Variants in RHOBTB1 observed in about 807,000 individuals in gnomAD.
The protein encoded by RHOBTB1 is Rho related BTB domain containing 1.
RHOBTB1 carries 40 observed loss-of-function variants against 71.6 expected under a neutral mutation model. The observed-to-expected ratio is 0.56, with a 90% CI of 0.43 to 0.73. RHOBTB1 has a LOEUF of 0.73. RHOBTB1 is among the 30% of genes least tolerant of loss of function. The probability of loss-of-function intolerance (pLI) is 0.00; values close to 1 mark genes in which losing one functional copy is unlikely to be tolerated. For missense variants in RHOBTB1, 797 were observed against 894.0 expected, an observed-to-expected ratio of 0.89 and a Z score of 1.38; for synonymous variants, 319 against 334.9, an observed-to-expected ratio of 0.95 and a Z score of 0.52.
intron 1 of RHOBTB1, chr10:61,001,325 T>C (rs892083248): frequency 2.0e-5 from 3 of 151,816 alleles, no homozygotes; most frequent in African/African-American, 7.2e-5. Flanking sequence ...AGACCCCCCA[T>C]AATCCCGCCC....
chr10:60,888,360 G>C lies in RHOBTB1; in HGVS notation c.1308C>G (p.Ile436Met). ...AATCGAACATCTCGAGGACCTCTGC[G>C]ATCTGAGCCAGGCCCACCAAATCCT... ...KEKDLVGLAQIAEVLEMFDLR... is the reference protein window; with the variant it reads ...KEKDLVGLAQMAEVLEMFDLR... The change falls in exon 6 of 11, where the codon ATC (isoleucine) becomes ATG (methionine). Residue 436 changes from isoleucine to methionine, a missense_variant. Ile to Met is a conservative substitution (Grantham distance 10). Around this residue, in one of 2 missense-constraint regions of RHOBTB1, gnomAD observed 658 missense variants for 681.5 expected, o/e 0.97. Coordinates refer to ENST00000337910, the MANE Select transcript of RHOBTB1 (RefSeq NM_014836.5). 6.2e-7 allele frequency: 1 copy of C among 1,614,094 alleles called. No individual in the cohort carries two copies. Among genetic ancestry groups the C allele is most frequent in the East Asian group, 2.2e-5 (1 of 44,870 alleles).
chr10:60,866,829 TA>T (rs1268461694), downstream of RHOBTB1, among the ~76,000 whole-genome samples: 7 of 145,300 alleles, frequency 4.8e-5, no homozygotes, highest in African/African-American at 1.9e-4. Flanking sequence ...TCCTATTTTC[TA>T]ATTGTTAAAC....
intron 2 of RHOBTB1, among the ~76,000 whole-genome samples, chr10:60,963,849 G>T (rs554034036): frequency 6.6e-6 from 1 of 152,042 alleles, no homozygotes; most frequent in Non-Finnish European, 1.5e-5. Context: ...ATCTAATAAT[G>T]GTTCTTAGAC....
chr10:60,935,044 T>C (rs2084495399), intron 2 of RHOBTB1, among the ~76,000 whole-genome samples: 1 of 152,160 alleles, frequency 6.6e-6, no homozygotes, highest in Non-Finnish European at 1.5e-5. Flanking sequence ...TACAAGAATG[T>C]TCTTGGCAGC....
chr10:60,948,550 T>G (rs1157767833), upstream of RHOBTB1, among the ~76,000 whole-genome samples: 1 of 152,244 alleles, frequency 6.6e-6, no homozygotes, highest in African/African-American at 2.4e-5. Flanking sequence ...AGATTCATGC[T>G]GTCCATCTCT....
intron 2 of RHOBTB1, among the ~76,000 whole-genome samples, chr10:60,973,095 T>A (rs2086214414): frequency 6.6e-6 from 1 of 152,092 alleles, no homozygotes; most frequent in South Asian, 2.1e-4. Context: ...TGTTAATTTT[T>A]TTTTATGATT....
chr10:60,911,321 G>A, intron 3 of RHOBTB1, 30 bp downstream of exon 3: 1 of 1,585,890 alleles, frequency 6.3e-7, no homozygotes, highest in Non-Finnish European at 8.6e-7. Flanking sequence ...ATGTGCCCTA[G>A]GGATGCTGAA....
intron 1 of RHOBTB1, among the ~76,000 whole-genome samples, chr10:60,994,608 T>C (rs1003030531): frequency 3.9e-4 from 60 of 152,246 alleles, no homozygotes; most frequent in African/African-American, 1.4e-3. Context: ...TTTTCTAATG[T>C]GAGGGAAAGA....
chr10:60,973,931 T>C (rs1485186796), intron 2 of RHOBTB1, among the ~76,000 whole-genome samples: 2 of 152,024 alleles, frequency 1.3e-5, no homozygotes, highest in African/African-American at 4.8e-5. Context: ...TTTGAAGTAG[T>C]TTAGGCCAAA....
intron 9 of RHOBTB1, 112 bp downstream of exon 9, chr10:60,874,840 CTG>C (rs1231997766): frequency 1.3e-6 from 1 of 752,582 alleles, no homozygotes; most frequent in African/African-American, 1.7e-5. Flanking sequence ...CAGGGGGACT[CTG>C]TGACTCAGTG....
chr10:60,890,475 G>A (rs1355579717), intron 5 of RHOBTB1, among the ~76,000 whole-genome samples: 1 of 152,024 alleles, frequency 6.6e-6, no homozygotes, highest in Admixed American at 6.6e-5. Context: ...ATCAAACCCT[G>A]GGAGGACAAA....
intron 2 of RHOBTB1, among the ~76,000 whole-genome samples, chr10:60,960,581 A>G (rs1016181900): frequency 6.6e-6 from 1 of 152,212 alleles, no homozygotes; most frequent in African/African-American, 2.4e-5. Context: ...GAATATTAAT[A>G]CTGGAAATAT....
intron 2 of RHOBTB1, among the ~76,000 whole-genome samples, chr10:60,969,423 A>C (rs181365013): frequency 2.4e-4 from 37 of 152,254 alleles, no homozygotes; most frequent in African/African-American, 8.7e-4. Flanking sequence ...AACATTAAAA[A>C]TCAGAGTATG....
intron 2 of RHOBTB1, among the ~76,000 whole-genome samples, chr10:60,977,571 A>G (rs1465324481): frequency 6.6e-6 from 1 of 152,098 alleles, no homozygotes; most frequent in Non-Finnish European, 1.5e-5. Flanking sequence ...ACCAAATGTA[A>G]TTATAAATCA....
intron 2 of RHOBTB1, among the ~76,000 whole-genome samples, chr10:60,941,205 G>A (rs1443204158): frequency 6.6e-6 from 1 of 152,140 alleles, no homozygotes; most frequent in South Asian, 2.1e-4. Flanking sequence ...AGGTCTTAGA[G>A]TAAGACAAAA....
upstream of RHOBTB1, among the ~76,000 whole-genome samples, chr10:60,946,197 A>C (rs141249035): frequency 4.6e-5 from 7 of 152,160 alleles, no homozygotes; most frequent in Non-Finnish European, 1.0e-4. Context: ...AAAAACAAAA[A>C]ACTGACTTCC....
At chr10:60,974,857 T>C (rs1241208744) in intron 2 of RHOBTB1, among the ~76,000 whole-genome samples, 1 of 152,106 alleles carries the variant, frequency 6.6e-6, no homozygotes. Context: ...ACATTAGTTC[T>C]CTTTTCTGTG....
intron 4 of RHOBTB1, among the ~76,000 whole-genome samples, chr10:60,894,515 G>A (rs774639950): frequency 7.9e-5 from 12 of 152,106 alleles, no homozygotes; most frequent in African/African-American, 2.2e-4. Context: ...AATATTCTGC[G>A]CTCAGTCTTA....
chr10:60,906,060 C>T (rs976872954), intron 4 of RHOBTB1, among the ~76,000 whole-genome samples: 1 of 152,178 alleles, frequency 6.6e-6, no homozygotes, highest in Non-Finnish European at 1.5e-5. Flanking sequence ...CTTTACTTCT[C>T]ATAGGAACCA....
Sources: allele counts gnomAD v4.1 joint callset (sites outside exome capture counted in the v4.1 genomes callset), GRCh38; gene constraint gnomAD v4.1.1; regional missense constraint gnomAD v4.1.1; transcripts MANE v1.5; gene names NCBI Gene and HGNC (gene_info 2026-07-23, HGNC 2026-07-21).